THAP5: variants seen among roughly 807,000 people sequenced by gnomAD.
THAP5 encodes the protein THAP domain-containing protein 5.
In THAP5, 26 loss-of-function variants were observed where a neutral mutation model predicts 34.0. The observed-to-expected ratio is 0.77, with a 90% CI of 0.56 to 1.06. THAP5 has a LOEUF of 1.06. Among genes scored for constraint, THAP5 ranks in the 50% least tolerant of loss-of-function variants. The probability of loss-of-function intolerance (pLI) is 0.00; values close to 1 mark genes in which losing one functional copy is unlikely to be tolerated. For synonymous variants in THAP5, 125 were observed against 153.0 expected (o/e 0.82, Z 1.35); for missense variants, 394 against 452.8 (o/e 0.87, Z 1.18).
In THAP5 at chr7:108,562,965, T is replaced by C. The variant is rs1347364838; in HGVS notation, c.*1226A>G. The C allele has an allele frequency of 1.3e-5, 2 of 152,128 alleles. No homozygotes were observed. Among genetic ancestry groups the C allele is most frequent in the African/African-American group, 4.8e-5 (2 of 41,440 alleles). The allele number at this position is 152,128 out of a possible 1,614,324, so 9.4% of individuals were successfully genotyped here. A position where few individuals can be genotyped will look rare whatever the true frequency, so the allele number is the denominator to read the frequency against. ...TAAGTATTACTCTATTATTCTGGAA[T>C]TTAACAATGAATAAGCACATATTTT... On this transcript the variant is annotated 3_prime_UTR_variant, in exon 3 of 3. Transcript: ENST00000415914.
intron 2 of THAP5, 36 bp from the exon 3 acceptor site, chr7:108,565,141 AC>A: frequency 7.0e-7 from 1 of 1,437,668 alleles, no homozygotes; most frequent in Non-Finnish European, 9.2e-7. Context: ...GAAAAAGATG[AC>A]TTTTATTGGC....
At chr7:108,543,937 TG>T in the THAP5 span, among the ~76,000 whole-genome samples, 2 of 152,024 alleles carry the variant, frequency 1.3e-5, no homozygotes, top group African/African-American at 4.8e-5. Context: ...CTATATATAA[TG>T]GGGGGTAGGC....
At chr7:108,547,378 C>A in the THAP5 span, among the ~76,000 whole-genome samples, 1 of 152,092 alleles carries the variant, frequency 6.6e-6, no homozygotes, top group African/African-American at 2.4e-5. Context: ...ATTTAAACAC[C>A]ACACATCTTT....
chr7:108,565,983 T>C lies in THAP5; in HGVS notation c.120A>G (p.Leu40=), dbSNP rs1176389481. The C allele has an allele frequency of 1.9e-6, 3 of 1,544,384 alleles. No individual in the cohort carries two copies. The highest frequency in any genetic ancestry group is 8.7e-7 in the Non-Finnish European group (1 of 1,144,840). ...CCCATGAATCTCGCTTCATATTCTT[T>C]AACCACTTTTCCAGTCTTTCTTTGT... ...LHDKERLEKW[L]KNMKRDSWVP... Residue 40 remains leucine (L), a synonymous_variant, in exon 2 of 3, where the codon TTA becomes TTG. Coordinates refer to ENST00000415914, the MANE Select transcript of THAP5 (RefSeq NM_001130475.3).
At chr7:108,543,677 A>G in the THAP5 span, among the ~76,000 whole-genome samples, 1 of 152,098 alleles carries the variant, frequency 6.6e-6, no homozygotes. Flanking sequence ...ATCTCCCAGT[A>G]TTTTTTATTG....
intron 1 of THAP5, 185 bp downstream of exon 1, chr7:108,569,305 C>T: frequency 6.9e-7 from 1 of 1,444,998 alleles, no homozygotes; most frequent in Non-Finnish European, 9.1e-7. Flanking sequence ...CAGCAGTCCT[C>T]GCGCAAGAAG....
In THAP5 at chr7:108,563,920, C is replaced by A. The variant is rs1364222181; in HGVS notation, c.*271G>T. On this transcript the variant is annotated 3_prime_UTR_variant, in exon 3 of 3. Coordinates refer to ENST00000415914, the MANE Select transcript of THAP5 (RefSeq NM_001130475.3). ...TCTAGTCTGTGCTCTTTGAACACTT[C>A]TTTGTTTTCTCATGTTATAACTGAA... 2.0e-5 allele frequency: 5 copies of A among 254,610 alleles called. No individual in the cohort carries two copies. The highest frequency in any genetic ancestry group is 1.4e-4 in the Admixed American group (3 of 20,754). The allele number at this position is 254,610 out of a possible 1,614,324, so 15.8% of individuals were successfully genotyped here.
At chr7:108,542,961 T>C in the THAP5 span, among the ~76,000 whole-genome samples, 2 of 151,806 alleles carry the variant, frequency 1.3e-5, no homozygotes, top group African/African-American at 4.8e-5. Context: ...GAGTCTCGCT[T>C]TGTCACCCAG....
chr7:108,553,609 A>G (rs1864367325), downstream of THAP5, among the ~76,000 whole-genome samples: 1 of 152,176 alleles, frequency 6.6e-6, no homozygotes, highest in Non-Finnish European at 1.5e-5. Flanking sequence ...CCATACCAAA[A>G]ACATAGGTCC....
At chr7:108,555,150 T>C (rs1056352138) in intron 1 of THAP5, among the ~76,000 whole-genome samples, 1 of 151,266 alleles carries the variant, frequency 6.6e-6, no homozygotes, top group African/African-American at 2.4e-5. Context: ...TCAAACCCAT[T>C]GATTACTTAC....
chr7:108,565,312 A>T, intron 2 of THAP5: 1 of 404,176 alleles, frequency 2.5e-6, no homozygotes, highest in Non-Finnish European at 4.3e-6. Flanking sequence ...ATCATTCAAA[A>T]GACTAGTATA....
chr7:108,542,706 A>G, the THAP5 span, among the ~76,000 whole-genome samples: 25 of 152,108 alleles, frequency 1.6e-4, no homozygotes, highest in African/African-American at 6.0e-4. Flanking sequence ...CAAGTGATCC[A>G]TCTGCCTCGG....
chr7:108,554,891 A>C (rs917622964), intron 1 of THAP5: 2 of 152,238 alleles, frequency 1.3e-5, no homozygotes, highest in Non-Finnish European at 2.9e-5. Flanking sequence ...GAGAGATTTT[A>C]AAAACAATAA....
At chr7:108,569,727 T>G, upstream of THAP5, 2 of 960,982 alleles carry the variant, frequency 2.1e-6, no homozygotes, top group Non-Finnish European at 3.1e-6. Context: ...TTCCGCCTCC[T>G]CCGGTTTAAG....
rs775715102 is a variant in THAP5 at position 108,565,151 on chromosome 7, G to A, written c.274-46C>T. 5 of 1,377,900 alleles carry A rather than the reference G, an allele frequency of 3.6e-6. No homozygotes were observed. The African/African-American group carries it at 7.4e-5, about 20-fold the overall frequency. 85.4% of individuals were successfully genotyped at this position (1,377,900 alleles called of 1,614,324 possible). On this transcript the variant is annotated intron_variant, in intron 2 of 2. Coordinates refer to ENST00000415914, the MANE Select transcript of THAP5 (RefSeq NM_001130475.3). ...GTTCTGAAAAAGATGACTTTTATTG[G>A]CTTATTATGCTAGTGCTATTTAATT...
the THAP5 span, among the ~76,000 whole-genome samples, chr7:108,543,225 C>G: frequency 4.6e-5 from 7 of 152,154 alleles, no homozygotes; most frequent in African/African-American, 1.7e-4. Flanking sequence ...CTGTGCCCAG[C>G]CAGCTCAAAA....
At chr7:108,569,026 C>A in intron 1 of THAP5, 1 of 847,144 alleles carries the variant, frequency 1.2e-6, no homozygotes, top group Non-Finnish European at 1.4e-6. Flanking sequence ...CTTTCAAGGT[C>A]GGTTACCTAA....
downstream of THAP5, among the ~76,000 whole-genome samples, chr7:108,558,377 G>GTGTGTGTGTA (rs1401164750): frequency 7.8e-4 from 49 of 63,006 alleles, no homozygotes; most frequent in African/African-American, 3.7e-3. Flanking sequence ...ATGTGTGTGT[G>GTGTGTGTGTA]TATGTATATA....
downstream of THAP5, among the ~76,000 whole-genome samples, chr7:108,557,949 C>T (rs569286391): frequency 1.6e-4 from 24 of 152,156 alleles, no homozygotes; most frequent in Admixed American, 4.6e-4. Flanking sequence ...TTGGGAAGGC[C>T]TCAGGAAACT....
Sources: allele counts gnomAD v4.1 joint callset (sites outside exome capture counted in the v4.1 genomes callset), GRCh38; gene constraint gnomAD v4.1.1; transcripts MANE v1.5; gene names NCBI Gene and HGNC (gene_info 2026-07-23, HGNC 2026-07-21).